The following FBXO31 variants were observed in gnomAD, a reference collection of about 807,000 sequenced individuals.
FBXO31 encodes the protein F-box protein 31.
A neutral mutation model predicts 54.4 loss-of-function variants in FBXO31; 24 were observed. The observed-to-expected ratio is 0.44, with a 90% CI of 0.32 to 0.62. FBXO31 has a LOEUF of 0.62. Ranked by LOEUF, FBXO31 falls within the 20% of genes least tolerant of loss-of-function variation. The pLI is 0.05. For synonymous variants in FBXO31, 388 were observed against 335.6 expected (o/e 1.16, Z -1.71); for missense variants, 665 against 787.1 (o/e 0.84, Z 1.86).
Position 87,331,185 on chromosome 16 carries a change from C to CTCGG in FBXO31, c.*102_*103insCCGA. The CTCGG allele has an allele frequency of 1.7e-6, 2 of 1,192,996 alleles. No homozygotes were observed. Among genetic ancestry groups the CTCGG allele is most frequent in the South Asian group, 1.4e-5 (1 of 70,272 alleles). The allele number at this position is 1,192,996 out of a possible 1,614,324, so 73.9% of individuals were successfully genotyped here. A position where few individuals can be genotyped will look rare whatever the true frequency, so the allele number is the denominator to read the frequency against. On this transcript the variant is annotated 3_prime_UTR_variant, in exon 9 of 9. Transcript: ENST00000311635. ...TGGGCCCCCCGACGAGGTGTGCGTTCTGGTCAAAAGGCCGGATTTCCAAAG... is the reference window on the plus strand; with the variant it reads ...TGGGCCCCCCGACGAGGTGTGCGTTCTCGGTGGTCAAAAGGCCGGATTTCCAAAG...
rs1460390087 is a variant in FBXO31 at position 87,345,769 on chromosome 16, C to T, written c.489+1405G>A. On this transcript the variant is annotated intron_variant, in intron 3 of 8. Transcript: ENST00000311635. This position sits in a 1 kb window ranked among gnomAD's most constrained non-coding sequence, Gnocchi z 4.9. Reference sequence around the variant, plus strand: ...TGAAGAGAAGGGACAGGCTGAGAGGCGAGGGGCAGGGCCTTCTCCCCCCTT... The same window carrying T: ...TGAAGAGAAGGGACAGGCTGAGAGGTGAGGGGCAGGGCCTTCTCCCCCCTT... Among the ~76,000 whole-genome samples, 1 of 152,216 alleles carries T rather than the reference C, an allele frequency of 6.6e-6. No homozygotes were observed. The highest frequency in any genetic ancestry group is 2.4e-5 in the African/African-American group (1 of 41,448).
intron 1 of FBXO31, among the ~76,000 whole-genome samples, chr16:87,365,570 C>G (rs1022793856): frequency 2.6e-5 from 4 of 152,200 alleles, no homozygotes; most frequent in African/African-American, 9.7e-5. Context: ...CAGCAAGATA[C>G]CCGGGATGGC....
In FBXO31 at chr16:87,343,722, T is replaced by C; in HGVS notation, c.533A>G (p.His178Arg). 6.2e-7 allele frequency: 1 copy of C among 1,614,216 alleles called. No homozygotes were observed. Among genetic ancestry groups the C allele is most frequent in the Non-Finnish European group, 8.5e-7 (1 of 1,180,024 alleles). Reference sequence around the variant, plus strand: ...CATAGGGTCATCGACGTGGGGGTCATGGGGAGGCAGGTACATCCACCCGAT... The same window carrying C: ...CATAGGGTCATCGACGTGGGGGTCACGGGGAGGCAGGTACATCCACCCGAT... Reference protein sequence around the residue: ...FIIGWMYLPPHDPHVDDPMRF... With the variant: ...FIIGWMYLPPRDPHVDDPMRF... Residue 178 changes from histidine to arginine, a missense_variant, in exon 4 of 9, where the codon CAT becomes CGT. Physicochemically the swap from His to Arg is conservative, Grantham distance 29. Coordinates refer to ENST00000311635, the MANE Select transcript of FBXO31 (RefSeq NM_024735.5).
At chr16:87,373,830 T>C (rs918748068) in intron 1 of FBXO31, among the ~76,000 whole-genome samples, 8 of 152,232 alleles carry the variant, frequency 5.3e-5, no homozygotes, top group African/African-American at 1.7e-4. Flanking sequence ...GAAATAGCAC[T>C]TTCTTCTGCA....
upstream of FBXO31, among the ~76,000 whole-genome samples, chr16:87,385,330 T>C (rs557652778): frequency 6.6e-6 from 1 of 151,980 alleles, no homozygotes; most frequent in African/African-American, 2.4e-5. Context: ...TGGTGGCAGG[T>C]GCCTGTAGTC....
At position 87,346,928 on chromosome 16, in the gene FBXO31, C is replaced by T. The variant is rs1197810397; in HGVS notation, c.489+246G>A. Among the ~76,000 whole-genome samples, 1 of 152,250 alleles carries T rather than the reference C, an allele frequency of 6.6e-6. No homozygotes were observed. The highest frequency in any genetic ancestry group is 1.9e-4 in the East Asian group (1 of 5,194). On this transcript the variant is annotated intron_variant, in intron 3 of 8. Coordinates refer to ENST00000311635, the MANE Select transcript of FBXO31 (RefSeq NM_024735.5). The surrounding 1 kb of genome is among the most constrained non-coding windows in gnomAD (Gnocchi z 4.2). Reference sequence around the variant, plus strand: ...TCCAGGAAGCAAAGGCCCTCACAAGCCACCCCCTCAGACCAGAGAGTCCAA... The same window carrying T: ...TCCAGGAAGCAAAGGCCCTCACAAGTCACCCCCTCAGACCAGAGAGTCCAA...
intron 2 of FBXO31, among the ~76,000 whole-genome samples, chr16:87,359,937 AT>A (rs1567480027): frequency 6.6e-6 from 1 of 152,188 alleles, no homozygotes; most frequent in East Asian, 1.9e-4. Flanking sequence ...CCACAGCTTC[AT>A]TTCCCAATGA....
intron 1 of FBXO31, among the ~76,000 whole-genome samples, chr16:87,376,840 C>T (rs1906844704): frequency 6.6e-6 from 1 of 152,210 alleles, no homozygotes; most frequent in South Asian, 2.1e-4. Flanking sequence ...TGCCCTTGGC[C>T]TTATCAGTAT....
At position 87,328,904 on chromosome 16, in the gene FBXO31, TCTCAGCTGCC is replaced by T. The variant is rs1466630423; in HGVS notation, c.*2374_*2383del. On this transcript the variant is annotated 3_prime_UTR_variant, in exon 9 of 9. Coordinates refer to ENST00000311635, the MANE Select transcript of FBXO31 (RefSeq NM_024735.5). Reference sequence around the variant, plus strand: ...CTCCTTGGAAACGGTTTTATCCAACTCTCAGCTGCCCTTAGGCCTCTGATGACGACATCAG... The same window carrying T: ...CTCCTTGGAAACGGTTTTATCCAACTCTTAGGCCTCTGATGACGACATCAG... 1 of 152,250 alleles carries T rather than the reference TCTCAGCTGCC, an allele frequency of 6.6e-6. No homozygotes were observed. Among genetic ancestry groups the T allele is most frequent in the Non-Finnish European group, 1.5e-5 (1 of 68,080 alleles). The allele number at this position is 152,250 out of a possible 1,614,324, so 9.4% of individuals were successfully genotyped here.
chr16:87,384,464 C>A (rs998229225), upstream of FBXO31, among the ~76,000 whole-genome samples: 3 of 152,006 alleles, frequency 2.0e-5, no homozygotes, highest in South Asian at 4.2e-4. Context: ...GAAAGGGAGG[C>A]CCTGCCATGC....
intron 1 of FBXO31, among the ~76,000 whole-genome samples, chr16:87,375,293 C>T (rs1385302963): frequency 1.3e-5 from 2 of 151,852 alleles, no homozygotes; most frequent in East Asian, 1.9e-4. Context: ...GGTGACAGAG[C>T]GAGACGCCGT....
chr16:87,351,916 CT>C (rs1567620289), intron 2 of FBXO31, among the ~76,000 whole-genome samples: 1 of 152,086 alleles, frequency 6.6e-6, no homozygotes, highest in Non-Finnish European at 1.5e-5. Flanking sequence ...TGGAGAGACG[CT>C]CTTCGTTTGT....
chr16:87,391,739 A>G (rs9972681), upstream of FBXO31: 128,044 of 152,220 alleles, frequency 0.84, 58,350 homozygotes, highest in East Asian at 1. Flanking sequence ...ACCAGCGGCC[A>G]CTCCCCGGAA....
upstream of FBXO31, chr16:87,384,253 CA>C (rs1179195208): frequency 6.6e-6 from 1 of 152,296 alleles, no homozygotes; most frequent in African/African-American, 2.4e-5. Context: ...GCCAGAACCC[CA>C]AAGGGCGCCT....
At chr16:87,390,475 C>G (rs1047986667), upstream of FBXO31, among the ~76,000 whole-genome samples, 1 of 151,076 alleles carries the variant, frequency 6.6e-6, no homozygotes, top group African/African-American at 2.4e-5. Flanking sequence ...GAGTTTCGCT[C>G]TTTCCCCCAG....
chr16:87,390,824 T>C (rs1357908389), upstream of FBXO31, among the ~76,000 whole-genome samples: 2 of 151,902 alleles, frequency 1.3e-5, no homozygotes, highest in Non-Finnish European at 2.9e-5. Context: ...CTCAAACTCC[T>C]GGGCTCAAGC....
chr16:87,378,737 G>A (rs1273524993), intron 1 of FBXO31, among the ~76,000 whole-genome samples: 2 of 152,154 alleles, frequency 1.3e-5, no homozygotes, highest in African/African-American at 2.4e-5. Flanking sequence ...AGAGGCGGGT[G>A]GATCATGAGG....
chr16:87,386,128 C>G (rs1305757658), upstream of FBXO31: 1 of 122,120 alleles, frequency 8.2e-6, no homozygotes, highest in Non-Finnish European at 1.7e-5. Context: ...AGGAGCATCA[C>G]TTGCCGGAGA....
chr16:87,382,293 C>G (rs1301165714), intron 1 of FBXO31, among the ~76,000 whole-genome samples: 1 of 152,186 alleles, frequency 6.6e-6, no homozygotes, highest in South Asian at 2.1e-4. Context: ...AAGGTACACA[C>G]GACTCAGAGG....
Sources: allele counts gnomAD v4.1 joint callset (sites outside exome capture counted in the v4.1 genomes callset), GRCh38; gene constraint gnomAD v4.1.1; non-coding constraint Gnocchi (gnomAD v3.1); transcripts MANE v1.5; gene names NCBI Gene and HGNC (gene_info 2026-07-23, HGNC 2026-07-21).